The following RBFOX1 variants were observed in gnomAD, a reference collection of about 807,000 sequenced individuals.
RBFOX1 encodes the protein RNA binding protein fox-1 homolog 1.
In RBFOX1, 8 loss-of-function variants were observed where a neutral mutation model predicts 57.7. The ratio of observed to expected loss-of-function variants is 0.14; its 90% confidence interval spans 0.08 to 0.25. The LOEUF is 0.25. Ranked by LOEUF, RBFOX1 falls within the 10% of genes least tolerant of loss-of-function variation. The pLI is 1.00. For synonymous variants in RBFOX1, 326 were observed against 222.4 expected (o/e 1.47, Z -4.15); for missense variants, 611 against 548.5 (o/e 1.11, Z -1.14).
intron 3 of RBFOX1, among the ~76,000 whole-genome samples, chr16:6,865,976 TG>T (rs1170998284): frequency 6.6e-6 from 1 of 152,076 alleles, no homozygotes; most frequent in Non-Finnish European, 1.5e-5. Flanking sequence ...AGAAATGCAT[TG>T]AAAAAAACAA....
rs535866015 is a variant in RBFOX1 at position 7,479,249 on chromosome 16, G to A, written c.28-38898G>A. ...GGCAACTCTCCTGCCTCAGCCTCCC[G>A]AGTCGCTGGGATTACAGGCATGCAC... On this transcript the variant is annotated intron_variant, in intron 4 of 15. Transcript: ENST00000550418. Among the ~76,000 whole-genome samples, 10 of 151,632 alleles carry A rather than the reference G, an allele frequency of 6.6e-5. No homozygotes were observed. The East Asian group carries it at 2.0e-3, about 30-fold the overall frequency.
chr16:6,776,502 A>T (rs2079382668), intron 3 of RBFOX1, among the ~76,000 whole-genome samples: 1 of 152,198 alleles, frequency 6.6e-6, no homozygotes, highest in Admixed American at 6.5e-5. Context: ...CATACAATTA[A>T]AACACATAGA....
intron 3 of RBFOX1, among the ~76,000 whole-genome samples, chr16:6,767,938 TAA>T (rs1482694441): frequency 1.2e-5 from 1 of 84,814 alleles, no homozygotes; most frequent in Non-Finnish European, 2.2e-5. Context: ...ATAATAATAA[TAA>T]TAATAATAAG....
At chr16:7,532,166 A>G (rs1309268160) in intron 5 of RBFOX1, among the ~76,000 whole-genome samples, 6 of 145,958 alleles carry the variant, frequency 4.1e-5, no homozygotes, top group Non-Finnish European at 8.9e-5. Context: ...AAGCAACGGT[A>G]GGTGTAGCAT....
chr16:6,109,503 A>G (rs1348705954), intron 1 of RBFOX1, among the ~76,000 whole-genome samples: 1 of 152,152 alleles, frequency 6.6e-6, no homozygotes, highest in Admixed American at 6.5e-5. Context: ...AGTCGATGAT[A>G]TATTTGTTGT....
intron 3 of RBFOX1, among the ~76,000 whole-genome samples, chr16:6,780,770 C>A (rs74759516): frequency 4.0e-5 from 6 of 151,116 alleles, no homozygotes; most frequent in Admixed American, 1.3e-4. Flanking sequence ...TTCCGCATAC[C>A]TTTTGGTCAT....
chr16:5,867,344 C>T (rs1419740575), intron 4 of RBFOX1: 18 of 1,198,858 alleles, frequency 1.5e-5, no homozygotes, highest in East Asian at 6.3e-5. Flanking sequence ...AGGTAGGAAA[C>T]GTGGTTTTTC....
intron 4 of RBFOX1, among the ~76,000 whole-genome samples, chr16:7,350,095 C>T (rs149215893): frequency 6.6e-6 from 1 of 151,876 alleles, no homozygotes; most frequent in Non-Finnish European, 1.5e-5. Context: ...TGCAGTGAGC[C>T]GAGATCAGGC....
chr16:5,571,893 C>A (rs1425663091), intron 2 of RBFOX1, among the ~76,000 whole-genome samples: 1 of 152,234 alleles, frequency 6.6e-6, no homozygotes, highest in African/African-American at 2.4e-5. Context: ...GTCCGTAGCA[C>A]CAAAGTGCTG....
intron 1 of RBFOX1, among the ~76,000 whole-genome samples, chr16:6,147,662 G>C (rs922233251): frequency 6.6e-6 from 1 of 152,130 alleles, no homozygotes; most frequent in African/African-American, 2.4e-5. Flanking sequence ...AAAAAACAAG[G>C]AATGGAAGGG....
intron 4 of RBFOX1, among the ~76,000 whole-genome samples, chr16:5,916,027 A>G (rs938542365): frequency 1.3e-5 from 2 of 152,146 alleles, no homozygotes; most frequent in African/African-American, 4.8e-5. Flanking sequence ...AGCAGCTAGT[A>G]ATGCCTGTCC....
At chr16:6,287,204 G>A (rs919077671) in intron 1 of RBFOX1, among the ~76,000 whole-genome samples, 4 of 152,128 alleles carry the variant, frequency 2.6e-5, no homozygotes, top group African/African-American at 9.7e-5. Context: ...AATGAACTTT[G>A]TGAACTTACT....
intron 1 of RBFOX1, among the ~76,000 whole-genome samples, chr16:5,441,406 C>T (rs1364971234): frequency 1.4e-5 from 2 of 144,758 alleles, no homozygotes; most frequent in African/African-American, 5.2e-5. Flanking sequence ...GCAGTGTCAC[C>T]TAGGCTAGAG....
At chr16:5,521,260 T>G (rs2044001736) in intron 2 of RBFOX1, among the ~76,000 whole-genome samples, 1 of 146,504 alleles carries the variant, frequency 6.8e-6, no homozygotes, top group Non-Finnish European at 1.5e-5. Context: ...CCATCTGGCA[T>G]GCCCAGTGCT....
chr16:6,051,775 G>A (rs1198602887), intron 1 of RBFOX1, among the ~76,000 whole-genome samples: 1 of 152,140 alleles, frequency 6.6e-6, no homozygotes, highest in African/African-American at 2.4e-5. Flanking sequence ...TATTAGTCAG[G>A]CTGATCTTGA....
rs542693107 is a variant in RBFOX1, at chr16:7,382,291, A to G, written c.28-135856A>G. On this transcript the variant is annotated intron_variant, in intron 4 of 15. Transcript: ENST00000550418. The stretch of plus-strand genomic sequence containing the variant: ...TAACAGTTGAGATTTATCTCATTTC[A>G]TAAATTATATCATACTTAAAGCTAT... Among the ~76,000 whole-genome samples the G allele has an allele frequency of 8.5e-4, 130 of 152,340 alleles. 1 individual carries two copies. The highest frequency in any genetic ancestry group is 1.4e-3 in the Non-Finnish European group (97 of 68,028).
intron 14 of RBFOX1, among the ~76,000 whole-genome samples, chr16:7,680,292 T>G (rs1392935997): frequency 6.6e-6 from 1 of 152,152 alleles, no homozygotes; most frequent in Non-Finnish European, 1.5e-5. Flanking sequence ...GTGGAAAAGA[T>G]TCCCTGTTTG....
At chr16:6,203,776 A>G (rs1009848636) in intron 1 of RBFOX1, among the ~76,000 whole-genome samples, 3 of 152,312 alleles carry the variant, frequency 2.0e-5, no homozygotes, top group South Asian at 2.1e-4. Flanking sequence ...TGCAGCCACA[A>G]TGGAAAGCAG....
Position 7,426,168 on chromosome 16 carries a change from C to A in RBFOX1, c.28-91979C>A, listed in dbSNP as rs1292306728. On this transcript the variant is annotated intron_variant, in intron 4 of 15. Coordinates refer to ENST00000550418, the MANE Select transcript of RBFOX1 (RefSeq NM_018723.4). The stretch of plus-strand genomic sequence containing the variant: ...CTTGCCTAGGCAGGGTCTACACCTT[C>A]CAGAAGCAAACACAGCCGAAAAGAG... 2.6e-5 allele frequency among the ~76,000 whole-genome samples: 4 copies of A among 152,220 alleles called. 1 individual carries two copies. Among genetic ancestry groups the A allele is most frequent in the Non-Finnish European group, 2.9e-5 (2 of 68,038 alleles).
Sources: allele counts gnomAD v4.1 joint callset (sites outside exome capture counted in the v4.1 genomes callset), GRCh38; gene constraint gnomAD v4.1.1; transcripts MANE v1.5; gene names NCBI Gene and HGNC (gene_info 2026-07-23, HGNC 2026-07-21).